Variants in C1orf105 observed in about 807,000 individuals in gnomAD.
C1orf105 encodes uncharacterized protein C1orf105.
Under a neutral mutation model 20.8 loss-of-function variants are expected in C1orf105, and 17 were observed. The ratio of observed to expected loss-of-function variants is 0.82; its 90% CI spans 0.56 to 1.23. C1orf105 has a LOEUF of 1.23. C1orf105 is among the 50% of genes most tolerant of loss of function. The pLI, the probability that C1orf105 is intolerant of heterozygous loss-of-function variation, is 0.00. For synonymous variants in C1orf105, 72 were observed against 72.1 expected, an observed-to-expected ratio of 1.00 and a Z score of 0.01; for missense variants, 219 against 213.5, an observed-to-expected ratio of 1.03 and a Z score of -0.16.
intron 3 of C1orf105, chr1:172,451,238 T>C (rs899013583): frequency 2.0e-5 from 3 of 152,230 alleles, no homozygotes; most frequent in Non-Finnish European, 4.4e-5. Flanking sequence ...AAAATGCCAC[T>C]CCACCCTCTC....
intron 4 of C1orf105, among the ~76,000 whole-genome samples, chr1:172,457,504 C>T (rs1014576636): frequency 3.3e-5 from 5 of 152,178 alleles, no homozygotes; most frequent in African/African-American, 1.2e-4. Context: ...CTGAAGCTAC[C>T]GGCAAAGCTG....
chr1:172,438,279 CATAG>C (rs1449137582), intron 1 of C1orf105, among the ~76,000 whole-genome samples: 1 of 152,160 alleles, frequency 6.6e-6, no homozygotes, highest in Non-Finnish European at 1.5e-5. Context: ...CTATAGCTGC[CATAG>C]ATAGTGATTC....
At chr1:172,442,182 G>A (rs1647383712) in intron 1 of C1orf105, 3 of 1,614,164 alleles carry the variant, frequency 1.9e-6, no homozygotes, top group South Asian at 1.1e-5. Flanking sequence ...CATAGATGGT[G>A]TCAGTGCTGA....
chr1:172,460,127 T>C (rs78992593), intron 4 of C1orf105, among the ~76,000 whole-genome samples: 8,753 of 152,238 alleles, frequency 0.057, 279 homozygotes, highest in Middle Eastern at 0.12. Context: ...CAATGGTGGT[T>C]GTTTTACAAC....
At position 172,452,669 on chromosome 1, in the gene C1orf105, G is replaced by C. The variant is rs185828407; in HGVS notation, c.199-3746G>C. On this transcript the variant is annotated intron_variant, in intron 3 of 6. Coordinates refer to ENST00000367727, the MANE Select transcript of C1orf105 (RefSeq NM_139240.4). ...AGACACCGCAGCAGATATTGTCCTA[G>C]GGTATGAGGATGTTTCCAATTGTCA... 4 of 536,234 alleles carry C rather than the reference G, an allele frequency of 7.5e-6. No individual in the cohort carries two copies. In the East Asian group the frequency reaches 5.9e-4, roughly 79 times the overall value. 33.2% of individuals were successfully genotyped at this position (536,234 alleles called of 1,614,324 possible).
chr1:172,449,084 T>C (rs570905998), intron 3 of C1orf105, among the ~76,000 whole-genome samples: 18 of 152,080 alleles, frequency 1.2e-4, no homozygotes, highest in African/African-American at 3.9e-4. Context: ...ACCTGAAAAA[T>C]TGCACATTCC....
chr1:172,422,205 T>C (rs887651354), intron 1 of C1orf105, among the ~76,000 whole-genome samples: 1 of 152,118 alleles, frequency 6.6e-6, no homozygotes, highest in Non-Finnish European at 1.5e-5. Context: ...CAACACAGCT[T>C]ATGGCTCCAA....
At chr1:172,434,303 C>A (rs928934242) in intron 1 of C1orf105, among the ~76,000 whole-genome samples, 2 of 152,202 alleles carry the variant, frequency 1.3e-5, no homozygotes, top group Non-Finnish European at 2.9e-5. Context: ...AATATACATT[C>A]TTTTCAGCAG....
At chr1:172,428,766 C>G in intron 1 of C1orf105, 1 of 696,044 alleles carries the variant, frequency 1.4e-6, no homozygotes. Flanking sequence ...TCTACTAGGT[C>G]AAGAACCTTT....
chr1:172,429,934 A>T (rs539710848), intron 1 of C1orf105, among the ~76,000 whole-genome samples: 2 of 152,156 alleles, frequency 1.3e-5, no homozygotes, highest in South Asian at 4.1e-4. Flanking sequence ...CTGCCTCCCC[A>T]TTCCTCTGTC....
chr1:172,444,239 C>G (rs895832918), intron 1 of C1orf105: 1 of 985,434 alleles, frequency 1.0e-6, no homozygotes, highest in Non-Finnish European at 1.2e-6. Flanking sequence ...AGGCAAATCC[C>G]CAGCAATCCC....
intron 1 of C1orf105, among the ~76,000 whole-genome samples, chr1:172,429,545 G>A (rs1320762743): frequency 6.6e-6 from 1 of 152,214 alleles, no homozygotes; most frequent in Non-Finnish European, 1.5e-5. Flanking sequence ...TTGAAATTTT[G>A]TATAACTATG....
intron 1 of C1orf105, among the ~76,000 whole-genome samples, chr1:172,428,102 A>G (rs953004956): frequency 6.6e-6 from 1 of 152,086 alleles, no homozygotes; most frequent in Admixed American, 6.5e-5. Flanking sequence ...CAGGGGAAAA[A>G]CCTTAATTTA....
At chr1:172,429,179 A>C (rs1475786337) in intron 1 of C1orf105, among the ~76,000 whole-genome samples, 1 of 152,136 alleles carries the variant, frequency 6.6e-6, no homozygotes, top group Non-Finnish European at 1.5e-5. Flanking sequence ...GTGAAATGGA[A>C]ATAAAACCTC....
chr1:172,444,368 C>G (rs1451522839), intron 1 of C1orf105: 1 of 920,908 alleles, frequency 1.1e-6, no homozygotes, highest in African/African-American at 1.8e-5. Context: ...TTTATTAAGT[C>G]AGGCCCTCAG....
At chr1:172,430,009 C>T (rs747452668) in intron 1 of C1orf105, among the ~76,000 whole-genome samples, 1 of 152,198 alleles carries the variant, frequency 6.6e-6, no homozygotes, top group South Asian at 2.1e-4. Flanking sequence ...AGAAGCAGAG[C>T]TGGGAGGAAG....
rs577887315 is a variant in C1orf105 at position 172,430,241 on chromosome 1, A to C, written c.21+9335A>C. On this transcript the variant is annotated intron_variant, in intron 1 of 6. Transcript: ENST00000367727. ...ACTAGATCACTGAATTTAAGTGATGAGTAACTTCCCACCACAACTGTCATA... is the reference window on the plus strand; with the variant it reads ...ACTAGATCACTGAATTTAAGTGATGCGTAACTTCCCACCACAACTGTCATA... 5.9e-6 allele frequency: 4 copies of C among 678,524 alleles called. No individual in the cohort carries two copies. In the Admixed American group the frequency reaches 9.0e-5, roughly 15 times the overall value. 42.0% of individuals were successfully genotyped at this position (678,524 alleles called of 1,614,324 possible).
intron 1 of C1orf105, among the ~76,000 whole-genome samples, chr1:172,431,803 G>A (rs2149161458): frequency 6.6e-6 from 1 of 152,342 alleles, no homozygotes; most frequent in Non-Finnish European, 1.5e-5. Flanking sequence ...CACCTGGATT[G>A]CTCAAGAGGT....
chr1:172,456,429 G>A lies in C1orf105; in HGVS notation c.213G>A (p.Gln71=). ...TTTCCCCTCAGGCCAGGAGGAACCAGTGTGACTCCATGCTGCTCAGAAACC... is the reference window on the plus strand; with the variant it reads ...TTTCCCCTCAGGCCAGGAGGAACCAATGTGACTCCATGCTGCTCAGAAACC... The part of the protein sequence containing the change: ...PDVLSKARRN[Q]CDSMLLRNQQ... Residue 71 remains glutamine, a synonymous_variant, in exon 4 of 7, where the codon CAG becomes CAA. Transcript: ENST00000367727. 1.2e-6 allele frequency: 2 copies of A among 1,613,286 alleles called. No homozygotes were observed. Among genetic ancestry groups the A allele is most frequent in the Non-Finnish European group, 1.7e-6 (2 of 1,179,976 alleles).
Sources: allele counts gnomAD v4.1 joint callset (sites outside exome capture counted in the v4.1 genomes callset), GRCh38; gene constraint gnomAD v4.1.1; transcripts MANE v1.5; gene names NCBI Gene and HGNC (gene_info 2026-07-23, HGNC 2026-07-21).